Variants in BLTP1 observed in about 807,000 individuals in gnomAD.
BLTP1 encodes bridge-like lipid transfer protein family member 1.
the BLTP1 span, chr4:122,324,374 AATACAG>A: frequency 6.5e-7 from 1 of 1,547,486 alleles, no homozygotes; most frequent in Non-Finnish European, 8.8e-7. Context: ...TTTGAAGTCA[AATACAG>A]TAAATAATCA....
the BLTP1 span, chr4:122,236,798 A>G: frequency 1.0e-6 from 1 of 982,514 alleles, no homozygotes; most frequent in Non-Finnish European, 1.2e-6. Flanking sequence ...AAGTGTCTGT[A>G]TCTCTTGGTG....
the BLTP1 span, among the ~76,000 whole-genome samples, chr4:122,176,861 A>G: frequency 6.6e-6 from 1 of 152,224 alleles, no homozygotes; most frequent in Non-Finnish European, 1.5e-5. Flanking sequence ...CTAAACTGTT[A>G]TATCAAGCAC....
chr4:122,230,971 C>T, the BLTP1 span, among the ~76,000 whole-genome samples: 1 of 151,868 alleles, frequency 6.6e-6, no homozygotes, highest in East Asian at 1.9e-4. Flanking sequence ...AAGCATCTGG[C>T]CACATGATTA....
the BLTP1 span, chr4:122,189,429 T>C: frequency 2.0e-6 from 2 of 982,876 alleles, no homozygotes; most frequent in Non-Finnish European, 2.4e-6. Context: ...CGATGTTTGC[T>C]CTAGATTTAT....
the BLTP1 span, among the ~76,000 whole-genome samples, chr4:122,216,303 G>A: frequency 1.3e-5 from 2 of 152,094 alleles, no homozygotes; most frequent in African/African-American, 4.8e-5. Context: ...GGAATTGCTG[G>A]ATCAAATGGT....
At chr4:122,170,505 A>G in the BLTP1 span, 3 of 1,322,778 alleles carry the variant, frequency 2.3e-6, no homozygotes, top group South Asian at 1.8e-5. Flanking sequence ...GGAAACAGAA[A>G]GGTGATTTAA....
chr4:122,260,455 T>C, the BLTP1 span, among the ~76,000 whole-genome samples: 1 of 152,264 alleles, frequency 6.6e-6, no homozygotes, highest in East Asian at 1.9e-4. Flanking sequence ...AAACAGGTAG[T>C]TCACAGAAAA....
the BLTP1 span, chr4:122,207,376 C>A: frequency 7.3e-7 from 1 of 1,372,572 alleles, no homozygotes; most frequent in East Asian, 2.4e-5. Context: ...GTTATTTCCC[C>A]CCATTATCTT....
At chr4:122,154,313 C>T in the BLTP1 span, 35 of 984,572 alleles carry the variant, frequency 3.6e-5, no homozygotes, top group African/African-American at 5.8e-4. Context: ...GTAGCTGGGT[C>T]TTCTGACTTT....
chr4:122,226,516 G>C, the BLTP1 span: 1 of 1,371,262 alleles, frequency 7.3e-7, no homozygotes, highest in South Asian at 1.8e-5. Flanking sequence ...TAAAGGAAAA[G>C]TAACATAAGC....
chr4:122,314,664 T>TGCTCATCCTAAGTTACCTTAGA, the BLTP1 span, among the ~76,000 whole-genome samples: 1 of 152,136 alleles, frequency 6.6e-6, no homozygotes, highest in African/African-American at 2.4e-5. Context: ...CTAGCCTTAG[T>TGCTCATCCTAAGTTACCTTAGA]GCTCATCCTA....
At chr4:122,334,302 C>A in the BLTP1 span, 5 of 1,419,772 alleles carry the variant, frequency 3.5e-6, no homozygotes, top group Middle Eastern at 1.8e-4. Flanking sequence ...TTTTCCTCAT[C>A]TTCATAATTT....
chr4:122,299,915 G>A, the BLTP1 span: 7 of 985,054 alleles, frequency 7.1e-6, no homozygotes, highest in Non-Finnish European at 8.4e-6. Context: ...AGCTCAGAGA[G>A]GAAAGGTACA....
At chr4:122,224,857 C>T in the BLTP1 span, 2 of 1,503,620 alleles carry the variant, frequency 1.3e-6, no homozygotes, top group African/African-American at 2.8e-5. Flanking sequence ...ACAAGTTTGA[C>T]TTTTCTGAGC....
chr4:122,254,175 T>C, the BLTP1 span: 8 of 1,609,854 alleles, frequency 5.0e-6, no homozygotes, highest in East Asian at 1.8e-4. Context: ...AATAAGTTTT[T>C]GGCATTCTAT....
At chr4:122,276,980 T>TTAATG in the BLTP1 span, 20,107 of 983,384 alleles carry the variant, frequency 0.02, 1,306 homozygotes, top group African/African-American at 0.21. Flanking sequence ...CCAGCAGAGA[T>TTAATG]TATGTAAACT....
chr4:122,274,433 T>C, the BLTP1 span: 1 of 1,597,732 alleles, frequency 6.3e-7, no homozygotes, highest in Non-Finnish European at 8.5e-7. Flanking sequence ...ACACCAAATA[T>C]ACAGTAAGTA....
the BLTP1 span, chr4:122,264,163 A>G: frequency 1.4e-6 from 2 of 1,411,024 alleles, no homozygotes; most frequent in Non-Finnish European, 1.9e-6. Context: ...ACTACTATAC[A>G]GGCTTCAAAA....
At chr4:122,219,384 G>A in the BLTP1 span, 5 of 1,614,002 alleles carry the variant, frequency 3.1e-6, no homozygotes, top group Non-Finnish European at 4.2e-6. Flanking sequence ...ATTTTGAAGA[G>A]GTTATCTCAA....
Sources: gnomAD v4.1 joint callset for allele counts (sites outside exome capture counted in the v4.1 genomes callset) on GRCh38, gnomAD v4.1.1 for gene constraint, MANE v1.5 for transcripts, NCBI Gene and HGNC (gene_info 2026-07-23, HGNC 2026-07-21) for gene names.